The following KIF1B variants were observed in gnomAD, a reference collection of about 807,000 sequenced individuals.
The protein encoded by KIF1B is kinesin-like protein KIF1B.
A neutral mutation model predicts 241.9 loss-of-function variants in KIF1B; 76 were observed. The ratio of observed to expected loss-of-function variants is 0.31; its 90% confidence interval spans 0.26 to 0.38. KIF1B has a LOEUF of 0.38. KIF1B is among the 10% of genes least tolerant of loss of function. The pLI, the probability that KIF1B is intolerant of heterozygous loss-of-function variation, is 1.00. For synonymous variants in KIF1B, 750 were observed against 796.7 expected (o/e 0.94, Z 0.99); for missense variants, 1,622 against 2,271.4 (o/e 0.71, Z 5.81).
intron 7 of KIF1B, 91 bp downstream of exon 7, chr1:10,268,354 G>C: frequency 1.2e-6 from 1 of 804,656 alleles, no homozygotes; most frequent in Admixed American, 2.0e-5. Flanking sequence ...GTGGAAGGTT[G>C]GGTGTTGGGG....
chr1:10,337,669 C>CTTT lies in KIF1B; in HGVS notation c.3422+137_3422+139dup. ...ACTGATCAGTCTCTGAAGGAAAATA[C>CTTT]TTTCATCACTCCTATGGGAGTGAGA... On this transcript the variant is annotated intron_variant, in intron 31 of 48. Transcript: ENST00000676179. This position sits in a 1 kb window ranked among gnomAD's most constrained non-coding sequence, Gnocchi z 4.0. 1 of 991,166 alleles carries CTTT rather than the reference C, an allele frequency of 1.0e-6. No homozygotes were observed. Among genetic ancestry groups the CTTT allele is most frequent in the South Asian group, 1.5e-5 (1 of 66,470 alleles). 61.4% of individuals were successfully genotyped at this position (991,166 alleles called of 1,614,324 possible). A position where few individuals can be genotyped will look rare whatever the true frequency, so the allele number is the denominator to read the frequency against.
chr1:10,376,677 G>A lies in KIF1B; in HGVS notation c.*90G>A. On this transcript the variant is annotated 3_prime_UTR_variant, in exon 49 of 49. Transcript: ENST00000676179. ...TTTGTGATTCTTGACGGTGACTCTT[G>A]TATGTAATCCTGTGGCTTAACTACT... 7.5e-7 allele frequency: 1 copy of A among 1,328,244 alleles called. No homozygotes were observed. 82.3% of individuals were successfully genotyped at this position (1,328,244 alleles called of 1,614,324 possible). A position where few individuals can be genotyped will look rare whatever the true frequency, so the allele number is the denominator to read the frequency against.
At chr1:10,222,992 G>A (rs1336986073) in intron 1 of KIF1B, among the ~76,000 whole-genome samples, 2 of 152,114 alleles carry the variant, frequency 1.3e-5, no homozygotes, top group Non-Finnish European at 2.9e-5. Context: ...GGTGGCTCAC[G>A]CCTGTAATCC....
intron 7 of KIF1B, among the ~76,000 whole-genome samples, chr1:10,269,525 A>C (rs1648663955): frequency 6.7e-6 from 1 of 150,078 alleles, no homozygotes; most frequent in Non-Finnish European, 1.5e-5. Context: ...AAAAAAAAAA[A>C]AAAACACACT....
rs901078947 is a variant in KIF1B, at chr1:10,241,607, A to G, written c.106+9173A>G. Among the ~76,000 whole-genome samples, 3 of 152,358 alleles carry G rather than the reference A, an allele frequency of 2.0e-5. No individual in the cohort carries two copies. In the East Asian group the frequency reaches 5.8e-4, roughly 29 times the overall value. On this transcript the variant is annotated intron_variant, in intron 2 of 48. Coordinates refer to ENST00000676179, the MANE Select transcript of KIF1B (RefSeq NM_001365951.3). Reference sequence around the variant, plus strand: ...GCTAAGAGAAGTACTGGAAAAAATCATCTTGGTGGAAACGTCCTCTTTCTT... The same window carrying G: ...GCTAAGAGAAGTACTGGAAAAAATCGTCTTGGTGGAAACGTCCTCTTTCTT...
intron 1 of KIF1B, among the ~76,000 whole-genome samples, chr1:10,230,010 CAAATA>C (rs1312766237): frequency 6.6e-6 from 1 of 151,284 alleles, no homozygotes; most frequent in Non-Finnish European, 1.5e-5. Context: ...TTTGTCTCTA[CAAATA>C]AAATAAAATA....
intron 38 of KIF1B, among the ~76,000 whole-genome samples, chr1:10,358,857 C>T (rs1263274707): frequency 6.6e-6 from 1 of 152,160 alleles, no homozygotes; most frequent in Non-Finnish European, 1.5e-5. Context: ...GCCCAGGGAG[C>T]CCAAGAACTA....
chr1:10,268,194 C>T lies in KIF1B; in HGVS notation c.651C>T (p.Ser217=). Residue 217 remains serine, a synonymous_variant, in exon 7 of 49, where the codon TCC becomes TCT. Coordinates refer to ENST00000676179, the MANE Select transcript of KIF1B (RefSeq NM_001365951.3). The part of the protein sequence containing the change: ...ATNMNETSSR[S]HAVFTIVFTQ... ...ACATGAATGAAACAAGTAGCCGTTC[C>T]CACGCTGTGTTTACGATTGTTTTCA... is the stretch of plus-strand genomic sequence containing the variant. 7 of 1,613,994 alleles carry T rather than the reference C, an allele frequency of 4.3e-6. No individual in the cohort carries two copies. Among genetic ancestry groups the T allele is most frequent in the Non-Finnish European group, 5.9e-6 (7 of 1,179,936 alleles).
intron 1 of KIF1B, among the ~76,000 whole-genome samples, chr1:10,219,211 C>CTAAATGTTTTATTGTCTCTTTAATGTT (rs1646808003): frequency 1.3e-5 from 2 of 152,176 alleles, no homozygotes; most frequent in African/African-American, 2.4e-5. Flanking sequence ...CCTGTAATCC[C>CTAAATGTTTTATTGTCTCTTTAATGTT]AGCACTTTGG....
At chr1:10,352,566 C>A in intron 37 of KIF1B, 65 bp from the exon 38 acceptor site, 1 of 1,374,050 alleles carries the variant, frequency 7.3e-7, no homozygotes, top group Non-Finnish European at 1.0e-6. Context: ...CTCTTTTGGG[C>A]TTAATGAATT....
At chr1:10,344,826 A>T (rs188007784) in intron 34 of KIF1B, 1 of 152,338 alleles carries the variant, frequency 6.6e-6, no homozygotes, top group Admixed American at 6.5e-5. Context: ...TACAGTTTAT[A>T]AATGAGGAGA....
chr1:10,367,948 C>T (rs1480654649), intron 43 of KIF1B, among the ~76,000 whole-genome samples: 5 of 151,792 alleles, frequency 3.3e-5, no homozygotes, highest in Non-Finnish European at 5.9e-5. Flanking sequence ...AGGATGATCT[C>T]GATCTCCTGA....
chr1:10,302,066 T>C (rs1650568036), intron 22 of KIF1B, among the ~76,000 whole-genome samples: 1 of 152,240 alleles, frequency 6.6e-6, no homozygotes, highest in South Asian at 2.1e-4. Flanking sequence ...TTGGAAGAGT[T>C]GTCACTTAAA....
chr1:10,275,650 C>A, intron 11 of KIF1B, 147 bp downstream of exon 11: 1 of 701,808 alleles, frequency 1.4e-6, no homozygotes, highest in Non-Finnish European at 2.6e-6. Flanking sequence ...CATTTTTACT[C>A]CTAATTTCAG....
At chr1:10,336,847 C>A in intron 29 of KIF1B, 105 bp downstream of exon 29, 1 of 1,178,494 alleles carries the variant, frequency 8.5e-7, no homozygotes, top group Non-Finnish European at 1.3e-6. Flanking sequence ...GTGCTGGTTG[C>A]CACAGAGTAG....
intron 24 of KIF1B, among the ~76,000 whole-genome samples, chr1:10,323,312 C>A (rs1651595267): frequency 6.6e-6 from 1 of 152,146 alleles, no homozygotes; most frequent in African/African-American, 2.4e-5. Context: ...TAAAAGTCTT[C>A]ATTCATTCAA....
chr1:10,251,063 G>A (rs1647413372), intron 2 of KIF1B, among the ~76,000 whole-genome samples: 1 of 152,056 alleles, frequency 6.6e-6, no homozygotes, highest in Non-Finnish European at 1.5e-5. Context: ...CTACTGGGGA[G>A]GCTGAGACAG....
rs1005150796 is a variant in KIF1B, at chr1:10,341,962, A to C, written c.3514-88A>C. ...GCAAGACCTTGCCTCAAAAAAAAAA[A>C]AAAAAACCCAAAATACGTACTAAAG... On this transcript the variant is annotated intron_variant, in intron 32 of 48. Coordinates refer to ENST00000676179, the MANE Select transcript of KIF1B (RefSeq NM_001365951.3). 9.4e-6 allele frequency: 9 copies of C among 957,934 alleles called. No individual in the cohort carries two copies. The East Asian group carries it at 9.5e-5, about 10-fold the overall frequency. The allele number at this position is 957,934 out of a possible 1,614,324, so 59.3% of individuals were successfully genotyped here.
In KIF1B at chr1:10,363,231, C is replaced by T. The variant is rs376631427; in HGVS notation, c.4305-52C>T. Reference sequence around the variant, plus strand: ...TTTAAGTAGCAGAAATTGAAATTTTCCTGTTTTTGTGCTTTAAGAGATTAA... The same window carrying T: ...TTTAAGTAGCAGAAATTGAAATTTTTCTGTTTTTGTGCTTTAAGAGATTAA... On this transcript the variant is annotated intron_variant, in intron 40 of 48. Transcript: ENST00000676179. The T allele has an allele frequency of 7.4e-4, 1,030 of 1,386,072 alleles. 1 individual carries two copies. The highest frequency in any genetic ancestry group is 9.9e-4 in the Non-Finnish European group (961 of 973,856). The allele number at this position is 1,386,072 out of a possible 1,614,324, so 85.9% of individuals were successfully genotyped here.
Sources: allele counts gnomAD v4.1 joint callset (sites outside exome capture counted in the v4.1 genomes callset), GRCh38; gene constraint gnomAD v4.1.1; non-coding constraint Gnocchi (gnomAD v3.1); transcripts MANE v1.5; gene names NCBI Gene and HGNC (gene_info 2026-07-23, HGNC 2026-07-21).